Variants in LAMP3 observed in about 807,000 individuals in gnomAD.
The protein encoded by LAMP3 is lysosome associated membrane protein 3.
A neutral mutation model predicts 34.8 loss-of-function variants in LAMP3; 26 were observed. The ratio of observed to expected loss-of-function variants is 0.75; its 90% CI spans 0.55 to 1.04. The LOEUF (loss-of-function observed/expected upper bound fraction) is 1.04. LAMP3 is among the 50% of genes least tolerant of loss of function. The pLI, the probability that LAMP3 is intolerant of heterozygous loss-of-function variation, is 0.00. For missense variants in LAMP3, 495 were observed against 524.0 expected, an observed-to-expected ratio of 0.94 and a Z score of 0.54; for synonymous variants, 180 against 201.9, an observed-to-expected ratio of 0.89 and a Z score of 0.92.
At chr3:183,129,502 G>A (rs960870974) in intron 5 of LAMP3, among the ~76,000 whole-genome samples, 3 of 151,918 alleles carry the variant, frequency 2.0e-5, no homozygotes, top group African/African-American at 4.8e-5. Flanking sequence ...TACCTGTAAT[G>A]ATCTCAGTCA....
intron 3 of LAMP3, among the ~76,000 whole-genome samples, chr3:183,144,860 G>A (rs1452999365): frequency 6.6e-6 from 1 of 152,188 alleles, no homozygotes; most frequent in Non-Finnish European, 1.5e-5. Flanking sequence ...GAGCCTGATC[G>A]TGCTACCACA....
chr3:183,152,611 C>G, intron 2 of LAMP3, 108 bp from the exon 3 acceptor site: 1 of 982,480 alleles, frequency 1.0e-6, no homozygotes, highest in Non-Finnish European at 1.5e-6. Flanking sequence ...GCTGAGGATT[C>G]GCTGGAGAAC....
intron 1 of LAMP3, 112 bp downstream of exon 1, chr3:183,162,495 C>T: frequency 9.1e-7 from 1 of 1,104,534 alleles, no homozygotes; most frequent in Non-Finnish European, 1.3e-6. Context: ...TTGGACGCGC[C>T]ACACCTCCCT....
chr3:183,159,888 C>T (rs1457021452), intron 1 of LAMP3, among the ~76,000 whole-genome samples: 1 of 152,220 alleles, frequency 6.6e-6, no homozygotes, highest in Non-Finnish European at 1.5e-5. Context: ...GACTGCCTTT[C>T]TACAGCCCTT....
chr3:183,157,329 T>G (rs1295544374), intron 1 of LAMP3, among the ~76,000 whole-genome samples: 1 of 152,204 alleles, frequency 6.6e-6, no homozygotes, highest in Non-Finnish European at 1.5e-5. Flanking sequence ...TACAAACTTT[T>G]GTAAAATCCC....
intron 5 of LAMP3, chr3:183,133,029 C>T (rs142739428): frequency 1.4e-6 from 1 of 728,974 alleles, no homozygotes; most frequent in East Asian, 1.3e-4. Flanking sequence ...GCCACATCTG[C>T]CTCAGCTTTG....
chr3:183,130,448 G>A (rs1468278547), intron 5 of LAMP3, among the ~76,000 whole-genome samples: 3 of 151,716 alleles, frequency 2.0e-5, no homozygotes, highest in Non-Finnish European at 4.4e-5. Context: ...GTGAGCCACC[G>A]TGCCTGGCCT....
At position 183,133,424 on chromosome 3, in the gene LAMP3, G is replaced by A. The variant is rs148446380; in HGVS notation, c.1117+2293C>T. 5.8e-4 allele frequency among the ~76,000 whole-genome samples: 88 copies of A among 152,246 alleles called. 1 individual carries two copies. In the East Asian group the frequency reaches 0.015, roughly 26 times the overall value. ...GGCCAGAATGCAGTGACACAATCTC[G>A]GCTCACTGCAACCTCCGCCTCCTGA... is the stretch of plus-strand genomic sequence containing the variant. On this transcript the variant is annotated intron_variant, in intron 5 of 5. Coordinates refer to ENST00000265598, the MANE Select transcript of LAMP3 (RefSeq NM_014398.4).
At chr3:183,138,664 C>T (rs1201148239) in intron 4 of LAMP3, among the ~76,000 whole-genome samples, 1 of 152,128 alleles carries the variant, frequency 6.6e-6, no homozygotes, top group Admixed American at 6.5e-5. Flanking sequence ...ACACAACAAC[C>T]AAAGTGAACC....
chr3:183,133,674 C>T (rs565137543), intron 5 of LAMP3, among the ~76,000 whole-genome samples: 1 of 152,254 alleles, frequency 6.6e-6, no homozygotes, highest in Admixed American at 6.5e-5. Flanking sequence ...GTGTTTCTTA[C>T]AGGGGCTGCT....
intron 5 of LAMP3, chr3:183,132,991 C>T (rs1719973171): frequency 2.1e-6 from 2 of 962,440 alleles, no homozygotes; most frequent in Admixed American, 1.2e-4. Context: ...GTGTTACAGA[C>T]TGGCCACAAA....
chr3:183,162,762 G>T, upstream of LAMP3: 1 of 1,097,606 alleles, frequency 9.1e-7, no homozygotes, highest in Non-Finnish European at 1.2e-6. Flanking sequence ...ACCTGCTTAT[G>T]AGAAGCAGCC....
At chr3:183,152,289 G>T in intron 3 of LAMP3, 86 bp downstream of exon 3, 2 of 1,386,124 alleles carry the variant, frequency 1.4e-6, no homozygotes, top group Non-Finnish European at 2.0e-6. Flanking sequence ...TCAAACTGAA[G>T]TGTGGGGTTG....
chr3:183,158,712 T>C (rs1720891323), intron 1 of LAMP3, among the ~76,000 whole-genome samples: 1 of 152,100 alleles, frequency 6.6e-6, no homozygotes, highest in African/African-American at 2.4e-5. Flanking sequence ...TGACAGCCAG[T>C]CCCTTCCCAG....
chr3:183,151,951 G>A (rs932246023), intron 3 of LAMP3, among the ~76,000 whole-genome samples: 2 of 152,176 alleles, frequency 1.3e-5, no homozygotes, highest in Non-Finnish European at 2.9e-5. Context: ...GCCTGCTCTG[G>A]CCCTGAATTT....
chr3:183,148,237 A>G (rs1720505936), intron 3 of LAMP3, among the ~76,000 whole-genome samples: 1 of 152,116 alleles, frequency 6.6e-6, no homozygotes, highest in Non-Finnish European at 1.5e-5. Flanking sequence ...TCACTGGGAA[A>G]CTCTCCAGGA....
In LAMP3 at chr3:183,122,426, A is replaced by C. The variant is rs1318124482; in HGVS notation, c.*1655T>G. On this transcript the variant is annotated 3_prime_UTR_variant, in exon 6 of 6. Coordinates refer to ENST00000265598, the MANE Select transcript of LAMP3 (RefSeq NM_014398.4). ...TCCTGACTTAGTTCCTTTCTTTAGC[A>C]GCAAAAAAAACAGCAGAAATAAAAT... 1.3e-5 allele frequency: 2 copies of C among 152,192 alleles called. No individual in the cohort carries two copies. The highest frequency in any genetic ancestry group is 4.8e-5 in the African/African-American group (2 of 41,446). The allele number at this position is 152,192 out of a possible 1,614,324, so 9.4% of individuals were successfully genotyped here. A position where few individuals can be genotyped will look rare whatever the true frequency, so the allele number is the denominator to read the frequency against.
chr3:183,147,954 C>T (rs1720496366), intron 3 of LAMP3, among the ~76,000 whole-genome samples: 1 of 152,108 alleles, frequency 6.6e-6, no homozygotes, highest in African/African-American at 2.4e-5. Context: ...CGGGTTCATG[C>T]AATCATTCCA....
At chr3:183,155,643 G>C (rs1356921325) in intron 1 of LAMP3, among the ~76,000 whole-genome samples, 3 of 152,178 alleles carry the variant, frequency 2.0e-5, no homozygotes, top group African/African-American at 7.2e-5. Flanking sequence ...CAATCAGCCT[G>C]GCCAGTATGT....
Sources: allele counts gnomAD v4.1 joint callset (sites outside exome capture counted in the v4.1 genomes callset), GRCh38; gene constraint gnomAD v4.1.1; transcripts MANE v1.5; gene names NCBI Gene and HGNC (gene_info 2026-07-23, HGNC 2026-07-21).